The following MTAP variants were observed in gnomAD, a reference collection of about 807,000 sequenced individuals.
MTAP encodes methylthioadenosine phosphorylase.
A neutral mutation model predicts 33.6 loss-of-function variants in MTAP; 33 were observed. The observed-to-expected ratio is 0.98, with a 90% CI of 0.74 to 1.31. The LOEUF is 1.31. MTAP is among the 40% of genes most tolerant of loss of function. The probability of loss-of-function intolerance (pLI) is 0.00; values close to 1 mark genes in which losing one functional copy is unlikely to be tolerated. For synonymous variants in MTAP, 148 were observed against 125.7 expected, an observed-to-expected ratio of 1.18 and a Z score of -1.19; for missense variants, 367 against 360.0, an observed-to-expected ratio of 1.02 and a Z score of -0.16.
intron 4 of MTAP, among the ~76,000 whole-genome samples, chr9:21,827,501 C>T (rs1824852083): frequency 6.6e-6 from 1 of 152,216 alleles, no homozygotes; most frequent in Admixed American, 6.5e-5. Flanking sequence ...GGTTGAATAT[C>T]AGCAGTTTCA....
intron 5 of MTAP, among the ~76,000 whole-genome samples, chr9:21,845,030 C>CAAA (rs35813212): frequency 1.6e-5 from 2 of 121,630 alleles, no homozygotes; most frequent in Admixed American, 8.0e-5. Flanking sequence ...GACTCCGTCT[C>CAAA]AAAAAAAAAA....
chr9:21,816,486 T>G (rs1332046318), intron 2 of MTAP, among the ~76,000 whole-genome samples: 1 of 152,202 alleles, frequency 6.6e-6, no homozygotes, highest in Non-Finnish European at 1.5e-5. Context: ...GACTAAATGG[T>G]ACCTACACAG....
At chr9:21,833,730 A>C (rs1324950452) in intron 4 of MTAP, among the ~76,000 whole-genome samples, 1 of 152,180 alleles carries the variant, frequency 6.6e-6, no homozygotes, top group Non-Finnish European at 1.5e-5. Flanking sequence ...ATGTCCTCAG[A>C]GGTCGATGAT....
chr9:21,843,348 C>G (rs574327786), intron 5 of MTAP, among the ~76,000 whole-genome samples: 1 of 152,246 alleles, frequency 6.6e-6, no homozygotes, highest in Admixed American at 6.5e-5. Context: ...CGGCACTAGA[C>G]AGGTCCTCAA....
In MTAP at chr9:21,918,349, CAAAAAAAAAAAAAA is replaced by C. The variant is rs34446505; in HGVS notation, c.148-12647_148-12634del. Among the ~76,000 whole-genome samples the C allele has an allele frequency of 6.7e-4, 16 of 23,812 alleles. 1 individual carries two copies. Among genetic ancestry groups the C allele is most frequent in the Admixed American group, 2.3e-3 (4 of 1,740 alleles). 15.6% of individuals were successfully genotyped at this position (23,812 alleles called of 152,430 possible). On this transcript the variant is annotated intron_variant, in intron 1 of 1. Transcript: ENST00000577563. ...TGGGCGACAGAACGAGACTCCGTCT[CAAAAAAAAAAAAAA>C]AAAAAAAAAAAGAGTGATTAATGGA...
intron 1 of MTAP, among the ~76,000 whole-genome samples, chr9:21,886,529 G>A (rs1818114205): frequency 6.6e-6 from 1 of 152,044 alleles, no homozygotes; most frequent in Admixed American, 6.6e-5. Context: ...TTTTACCTAA[G>A]CCAATGTCTA....
intron 6 of MTAP, among the ~76,000 whole-genome samples, chr9:21,856,440 A>T (rs768919082): frequency 6.6e-6 from 1 of 152,230 alleles, no homozygotes; most frequent in Non-Finnish European, 1.5e-5. Context: ...AAGTCACAAC[A>T]TAATATCTTA....
chr9:21,874,147 A>G (rs570560196), intron 1 of MTAP, among the ~76,000 whole-genome samples: 7 of 152,288 alleles, frequency 4.6e-5, no homozygotes, highest in Admixed American at 4.6e-4. Context: ...GTCAACTTCA[A>G]ATATATACAG....
intron 1 of MTAP, among the ~76,000 whole-genome samples, chr9:21,909,791 A>C (rs1401498349): frequency 6.6e-6 from 1 of 152,188 alleles, no homozygotes; most frequent in African/African-American, 2.4e-5. Context: ...TTTTATTCTC[A>C]CAATACATTG....
chr9:21,827,039 C>A (rs893134614), intron 4 of MTAP, among the ~76,000 whole-genome samples: 4 of 152,268 alleles, frequency 2.6e-5, no homozygotes, highest in East Asian at 3.9e-4. Context: ...CCCTCTGACC[C>A]TCTCTGTGGA....
chr9:21,819,183 C>G (rs148446543), intron 4 of MTAP, among the ~76,000 whole-genome samples: 9,521 of 149,896 alleles, frequency 0.064, 1,030 homozygotes, highest in African/African-American at 0.22. Context: ...GGTACATGTG[C>G]ACAACGTGCA....
chr9:21,819,317 T>G (rs964588690), intron 4 of MTAP, among the ~76,000 whole-genome samples: 1 of 152,048 alleles, frequency 6.6e-6, no homozygotes, highest in African/African-American at 2.4e-5. Flanking sequence ...GAGGCCCTGG[T>G]GTGTGATGTT....
intron 7 of MTAP, chr9:21,860,649 A>G (rs186910025): frequency 6.6e-5 from 10 of 152,332 alleles, no homozygotes; most frequent in Admixed American, 1.3e-4. Flanking sequence ...AAATGGCACA[A>G]CTGGAGCTTG....
chr9:21,940,341 T>C (rs533453984), downstream of MTAP, among the ~76,000 whole-genome samples: 2 of 152,230 alleles, frequency 1.3e-5, no homozygotes, highest in Non-Finnish European at 2.9e-5. Context: ...AGGCCAAGTG[T>C]AACGGGACTA....
intron 4 of MTAP, among the ~76,000 whole-genome samples, chr9:21,829,831 A>G (rs1307172253): frequency 6.6e-6 from 1 of 152,252 alleles, no homozygotes; most frequent in Non-Finnish European, 1.5e-5. Flanking sequence ...TTTTAGAAAC[A>G]TTAGATTTCT....
chr9:21,938,124 A>T (rs896346567), downstream of MTAP, among the ~76,000 whole-genome samples: 6 of 152,044 alleles, frequency 3.9e-5, no homozygotes, highest in Non-Finnish European at 7.4e-5. Flanking sequence ...AATACAAAAA[A>T]TTATCTGGGC....
intron 1 of MTAP, among the ~76,000 whole-genome samples, chr9:21,910,477 G>A (rs946003060): frequency 2.0e-5 from 3 of 152,144 alleles, no homozygotes; most frequent in African/African-American, 7.2e-5. Flanking sequence ...TGTCTTTGAG[G>A]AAGATTCCAG....
At chr9:21,913,840 G>A (rs888729755) in intron 1 of MTAP, among the ~76,000 whole-genome samples, 3 of 152,156 alleles carry the variant, frequency 2.0e-5, no homozygotes, top group Non-Finnish European at 2.9e-5. Context: ...ACAGTGAACA[G>A]GCAACCTACA....
At position 21,897,713 on chromosome 9, in the gene MTAP, T is replaced by C. The variant is rs1445370778; in HGVS notation, c.148-33295T>C. Reference sequence around the variant, plus strand: ...CTCTTCAAGAAGAACTAGAAACCACTGCTCAATGAAATAAAAGAGGACACA... The same window carrying C: ...CTCTTCAAGAAGAACTAGAAACCACCGCTCAATGAAATAAAAGAGGACACA... On this transcript the variant is annotated intron_variant, in intron 1 of 1. Transcript: ENST00000577563. Among the ~76,000 whole-genome samples the C allele has an allele frequency of 2.0e-5, 3 of 152,168 alleles. No homozygotes were observed. In the East Asian group the frequency reaches 5.8e-4, roughly 29 times the overall value.
Sources: gnomAD v4.1 joint callset for allele counts (sites outside exome capture counted in the v4.1 genomes callset) on GRCh38, gnomAD v4.1.1 for gene constraint, MANE v1.5 for transcripts, NCBI Gene and HGNC (gene_info 2026-07-23, HGNC 2026-07-21) for gene names.